The following CNTN3 variants were observed in gnomAD, a reference collection of about 807,000 sequenced individuals.
The protein encoded by CNTN3 is contactin-3.
In CNTN3, 60 loss-of-function variants were observed where a neutral mutation model predicts 119.1. The observed-to-expected ratio is 0.50, with a 90% confidence interval of 0.41 to 0.62. The LOEUF is 0.62. Among genes scored for constraint, CNTN3 ranks in the 20% least tolerant of loss-of-function variants. The pLI is 0.00. For synonymous variants in CNTN3, 450 were observed against 438.7 expected (o/e 1.03, Z -0.32); for missense variants, 1,101 against 1,242.4 (o/e 0.89, Z 1.71).
At chr3:74,599,576 A>C (rs1178913300) in intron 1 of CNTN3, among the ~76,000 whole-genome samples, 3 of 152,060 alleles carry the variant, frequency 2.0e-5, no homozygotes, top group Non-Finnish European at 4.4e-5. Context: ...GCAATTCACA[A>C]ATGGGTTTGC....
chr3:74,481,192 A>T (rs1356399086), intron 4 of CNTN3, among the ~76,000 whole-genome samples: 2 of 151,916 alleles, frequency 1.3e-5, no homozygotes, highest in African/African-American at 4.8e-5. Context: ...GTGAGAGAAA[A>T]ATGATAGATT....
chr3:74,369,801 TA>T, intron 7 of CNTN3, 87 bp downstream of exon 7: 2 of 688,110 alleles, frequency 2.9e-6, no homozygotes, highest in Non-Finnish European at 4.9e-6. Flanking sequence ...TTTTAGAAAA[TA>T]AAAAAGAAGA....
intron 20 of CNTN3, among the ~76,000 whole-genome samples, chr3:74,281,584 G>A (rs775544834): frequency 2.0e-5 from 3 of 152,254 alleles, no homozygotes; most frequent in Admixed American, 6.5e-5. Flanking sequence ...CTGAGCTCAA[G>A]CAATCATCCC....
chr3:74,509,358 G>T (rs2107100319), intron 2 of CNTN3, among the ~76,000 whole-genome samples: 1 of 148,750 alleles, frequency 6.7e-6, no homozygotes, highest in South Asian at 2.1e-4. Context: ...CTGTTGCCCA[G>T]GCTGGAGTGC....
rs75934150 is a variant in CNTN3 at position 74,394,962 on chromosome 3, C to A, written c.455-23563G>T. On this transcript the variant is annotated intron_variant, in intron 5 of 22. Coordinates refer to ENST00000263665, the MANE Select transcript of CNTN3 (RefSeq NM_020872.3). ...TAATATATGGAAAATGTTTCCTGTG[C>A]AATGCAAATGAAATATATATGAACA... Among the ~76,000 whole-genome samples, 1,094 of 151,920 alleles carry A rather than the reference C, an allele frequency of 7.2e-3. 8 individuals are homozygous for A. The highest frequency in any genetic ancestry group is 0.025 in the African/African-American group (1,051 of 41,420).
chr3:74,523,217 T>G (rs1703568539), intron 1 of CNTN3, among the ~76,000 whole-genome samples: 1 of 151,914 alleles, frequency 6.6e-6, no homozygotes, highest in African/African-American at 2.4e-5. Context: ...GCCATAGTTT[T>G]TCTTCTAATC....
In CNTN3 at chr3:74,302,776, A is replaced by G; in HGVS notation, c.1700T>C (p.Ile567Thr). ...ATATTTCCCACTGTGTTTCAGCTGA[A>G]TGTTTCTGATCATTAAATCACCAGA... is the stretch of plus-strand genomic sequence containing the variant. ...SSSGDLMIRNIQLKHSGKYVC... is the reference protein window; with the variant it reads ...SSSGDLMIRNTQLKHSGKYVC... Residue 567 changes from isoleucine (I) to threonine (T), a missense_variant, in exon 14 of 23, where the codon ATT (isoleucine) becomes ACT (threonine). Ile to Thr is a moderately conservative substitution (Grantham distance 89, BLOSUM62 -1). Coordinates refer to ENST00000263665, the MANE Select transcript of CNTN3 (RefSeq NM_020872.3). 1.2e-6 allele frequency: 2 copies of G among 1,612,658 alleles called. No individual in the cohort carries two copies. Among genetic ancestry groups the G allele is most frequent in the South Asian group, 1.1e-5 (1 of 90,898 alleles).
intron 1 of CNTN3, among the ~76,000 whole-genome samples, chr3:74,522,415 T>G (rs1199298147): frequency 6.6e-6 from 1 of 151,914 alleles, no homozygotes; most frequent in Non-Finnish European, 1.5e-5. Flanking sequence ...CATTGACCTT[T>G]AACCTTCACT....
chr3:74,510,555 G>A (rs543677223), intron 2 of CNTN3, among the ~76,000 whole-genome samples: 5 of 151,968 alleles, frequency 3.3e-5, no homozygotes, highest in Admixed American at 6.6e-5. Flanking sequence ...GCATTTTAAT[G>A]ACTTGTTTGA....
chr3:74,552,540 C>A (rs1220542908), intron 1 of CNTN3, among the ~76,000 whole-genome samples: 2 of 152,152 alleles, frequency 1.3e-5, no homozygotes, highest in Non-Finnish European at 2.9e-5. Flanking sequence ...TTGAAATTTT[C>A]TCTGGCATAT....
chr3:74,369,867 G>A (rs777613977), intron 7 of CNTN3, 22 bp downstream of exon 7: 1 of 1,246,734 alleles, frequency 8.0e-7, no homozygotes, highest in Non-Finnish European at 1.2e-6. Flanking sequence ...CAGCACATAG[G>A]AGTAAATGTT....
At chr3:74,388,135 T>C (rs1170502794) in intron 5 of CNTN3, among the ~76,000 whole-genome samples, 1 of 152,168 alleles carries the variant, frequency 6.6e-6, no homozygotes, top group Non-Finnish European at 1.5e-5. Flanking sequence ...GAGTGTCTGA[T>C]ACATGTAATT....
At chr3:74,564,789 T>A (rs552737177) in intron 1 of CNTN3, among the ~76,000 whole-genome samples, 7 of 152,062 alleles carry the variant, frequency 4.6e-5, no homozygotes, top group African/African-American at 1.7e-4. Context: ...TCATCCAACA[T>A]CCTTTTAACA....
At chr3:74,450,523 T>C (rs1317059398) in intron 4 of CNTN3, among the ~76,000 whole-genome samples, 1 of 151,738 alleles carries the variant, frequency 6.6e-6, no homozygotes, top group Non-Finnish European at 1.5e-5. Flanking sequence ...TTTTTAATTA[T>C]TATTATACTT....
At chr3:74,272,784 G>C (rs998622885) in intron 20 of CNTN3, among the ~76,000 whole-genome samples, 2 of 152,122 alleles carry the variant, frequency 1.3e-5, no homozygotes, top group Admixed American at 6.5e-5. Context: ...AACAAAGAGG[G>C]AGCAGGTTTG....
At chr3:74,285,244 G>T in intron 20 of CNTN3, 61 bp downstream of exon 20, 2 of 1,478,906 alleles carry the variant, frequency 1.4e-6, no homozygotes. Flanking sequence ...TAATAGAGAA[G>T]GCTATCCTTT....
At chr3:74,545,931 A>G (rs906803890) in intron 1 of CNTN3, among the ~76,000 whole-genome samples, 1 of 151,872 alleles carries the variant, frequency 6.6e-6, no homozygotes, top group South Asian at 2.1e-4. Flanking sequence ...ATTCAACCAC[A>G]CCATCTCTTA....
intron 5 of CNTN3, among the ~76,000 whole-genome samples, chr3:74,400,306 T>G (rs1261764534): frequency 1.3e-5 from 2 of 152,200 alleles, no homozygotes; most frequent in African/African-American, 4.8e-5. Flanking sequence ...TAATCTCCAT[T>G]TAACAGATGG....
chr3:74,453,440 A>G (rs1210283466), intron 4 of CNTN3, among the ~76,000 whole-genome samples: 1 of 151,832 alleles, frequency 6.6e-6, no homozygotes, highest in Non-Finnish European at 1.5e-5. Flanking sequence ...CCAGTCTATC[A>G]ATTTTGTTAT....
Sources: gnomAD v4.1 joint callset for allele counts (sites outside exome capture counted in the v4.1 genomes callset) on GRCh38, gnomAD v4.1.1 for gene constraint, MANE v1.5 for transcripts, NCBI Gene and HGNC (gene_info 2026-07-23, HGNC 2026-07-21) for gene names.